The following TRIM35 variants were observed in gnomAD, a reference collection of about 807,000 sequenced individuals.
The protein encoded by TRIM35 is tripartite motif containing 35, also known as E3 ubiquitin-protein ligase TRIM35.
Under a neutral mutation model 49.1 loss-of-function variants are expected in TRIM35, and 37 were observed. The ratio of observed to expected loss-of-function variants is 0.75; its 90% CI spans 0.58 to 0.99. The LOEUF (loss-of-function observed/expected upper bound fraction) is 0.99, where lower values mean the gene tolerates loss of function less well. TRIM35 is among the 50% of genes least tolerant of loss of function. The pLI is 0.00. For missense variants in TRIM35, 648 were observed against 702.7 expected (o/e 0.92, Z 0.88); for synonymous variants, 302 against 289.3 (o/e 1.04, Z -0.45).
intron 3 of TRIM35, among the ~76,000 whole-genome samples, chr8:27,290,645 A>C (rs1333266335): frequency 1.3e-5 from 2 of 152,204 alleles, no homozygotes; most frequent in African/African-American, 2.4e-5. Context: ...TAATTTACCC[A>C]GTCTGTGATA....
At chr8:27,293,932 A>G (rs554366362) in intron 3 of TRIM35, 148 bp downstream of exon 3, 1 of 675,746 alleles carries the variant, frequency 1.5e-6, no homozygotes, top group Admixed American at 3.0e-5. Context: ...TTCATGACAC[A>G]AGCAGAGCAG....
At chr8:27,309,600 G>C (rs1238224819) in intron 1 of TRIM35, among the ~76,000 whole-genome samples, 1 of 152,186 alleles carries the variant, frequency 6.6e-6, no homozygotes, top group African/African-American at 2.4e-5. Context: ...CTTCGGGCCA[G>C]CTACCCAGTG....
chr8:27,298,726 G>A (rs1802623967), intron 1 of TRIM35, among the ~76,000 whole-genome samples, 167 bp from the exon 2 acceptor site: 1 of 152,232 alleles, frequency 6.6e-6, no homozygotes, highest in African/African-American at 2.4e-5. Flanking sequence ...CAAATGGTAA[G>A]TAAGGTCCTG....
At chr8:27,306,142 C>G (rs1227385888) in intron 1 of TRIM35, among the ~76,000 whole-genome samples, 1 of 152,034 alleles carries the variant, frequency 6.6e-6, no homozygotes, top group Non-Finnish European at 1.5e-5. Flanking sequence ...GTAACCACCT[C>G]CTCACAAGAT....
chr8:27,309,416 G>A (rs1656338040), intron 1 of TRIM35, among the ~76,000 whole-genome samples: 1 of 152,222 alleles, frequency 6.6e-6, no homozygotes, highest in South Asian at 2.1e-4. Context: ...ATTGAGACAT[G>A]CGTACTGACA....
Position 27,296,933 on chromosome 8 carries a change from T to C in TRIM35, c.531+1531A>G, listed in dbSNP as rs376962717. Among the ~76,000 whole-genome samples the C allele has an allele frequency of 9.2e-5, 14 of 152,348 alleles. No individual in the cohort carries two copies. In the East Asian group the frequency reaches 1.9e-3, roughly 21 times the overall value. The stretch of plus-strand genomic sequence containing the variant: ...TTAAGGACTTGTCTCTGTTGGGCAC[T>C]TGTATGCATTATCTTATCTAAATTT... On this transcript the variant is annotated intron_variant, in intron 2 of 5. Coordinates refer to ENST00000305364, the MANE Select transcript of TRIM35 (RefSeq NM_171982.5).
chr8:27,294,191 T>C lies in TRIM35; in HGVS notation c.651A>G (p.Gln217=), dbSNP rs1802517168. The C allele has an allele frequency of 1.9e-6, 3 of 1,614,248 alleles. No homozygotes were observed. In the Middle Eastern group the frequency reaches 4.9e-4, roughly 266 times the overall value. The change falls in exon 3 of 6, where the codon CAA becomes CAG. Residue 217 remains glutamine (Q), a synonymous_variant. Transcript: ENST00000305364. ...DAMAEETRQK[Q]LLADEKMKQL... is the part of the protein sequence containing the mutation. ...GCTTCATCTTCTCGTCGGCCAGAAGTTGCTTCTGCCTTGTCTCCTCGGCCA... is the reference window on the plus strand; with the variant it reads ...GCTTCATCTTCTCGTCGGCCAGAAGCTGCTTCTGCCTTGTCTCCTCGGCCA...
chr8:27,289,864 C>T (rs924005986), intron 4 of TRIM35, among the ~76,000 whole-genome samples: 3 of 152,198 alleles, frequency 2.0e-5, no homozygotes, highest in African/African-American at 7.2e-5. Flanking sequence ...TGACTGGCCC[C>T]GAGAAATGCA....
rs1437778180 is a variant in TRIM35 at position 27,286,234 on chromosome 8, C to T, written c.*1316G>A. On this transcript the variant is annotated 3_prime_UTR_variant, in exon 6 of 6. Coordinates refer to ENST00000305364, the MANE Select transcript of TRIM35 (RefSeq NM_171982.5). ...TCAGAGATGTGCGAGAAAAAACAAG[C>T]CCAGGGAAAAGTCTGCAGGCATGGT... 4.4e-6 allele frequency: 2 copies of T among 451,112 alleles called. No individual in the cohort carries two copies. The highest frequency in any genetic ancestry group is 8.9e-6 in the Non-Finnish European group (2 of 224,062). 27.9% of individuals were successfully genotyped at this position (451,112 alleles called of 1,614,324 possible). A position where few individuals can be genotyped will look rare whatever the true frequency, so the allele number is the denominator to read the frequency against.
intron 1 of TRIM35, among the ~76,000 whole-genome samples, chr8:27,306,195 G>A (rs142988607): frequency 7.2e-5 from 11 of 152,276 alleles, no homozygotes; most frequent in African/African-American, 2.6e-4. Flanking sequence ...GTCTGTGTCT[G>A]AGGATGTTTT....
rs1466208607 is a variant in TRIM35, at chr8:27,286,212, G to A, written c.*1338C>T. ...TGAGCTGAAGATTAAAAACTCTTCA[G>A]AGATGTGCGAGAAAAAACAAGCCCA... On this transcript the variant is annotated 3_prime_UTR_variant, in exon 6 of 6. Transcript: ENST00000305364. 8.8e-6 allele frequency: 4 copies of A among 453,670 alleles called. No individual in the cohort carries two copies. Among genetic ancestry groups the A allele is most frequent in the African/African-American group, 8.0e-5 (4 of 49,952 alleles). 28.1% of individuals were successfully genotyped at this position (453,670 alleles called of 1,614,324 possible). A position where few individuals can be genotyped will look rare whatever the true frequency, so the allele number is the denominator to read the frequency against.
intron 3 of TRIM35, among the ~76,000 whole-genome samples, chr8:27,292,187 A>T (rs1250812984): frequency 1.3e-5 from 2 of 152,236 alleles, no homozygotes; most frequent in African/African-American, 4.8e-5. Context: ...TTTTTACTGT[A>T]CTTTTTCTAT....
At chr8:27,308,411 C>T (rs945238629) in intron 1 of TRIM35, among the ~76,000 whole-genome samples, 2 of 152,190 alleles carry the variant, frequency 1.3e-5, no homozygotes, top group African/African-American at 4.8e-5. Context: ...CTCTAAAACA[C>T]ACATCCCATC....
chr8:27,308,728 C>G (rs62502387), intron 1 of TRIM35, among the ~76,000 whole-genome samples: 1,701 of 152,330 alleles, frequency 0.011, 88 homozygotes, highest in Admixed American at 0.082. Flanking sequence ...CTGACCACAC[C>G]TGGCTCTCAT....
Position 27,287,903 on chromosome 8 carries a change from G to A in TRIM35, c.1129C>T (p.Gln377Ter). The A allele has an allele frequency of 6.2e-7, 1 of 1,613,134 alleles. No homozygotes were observed. The highest frequency in any genetic ancestry group is 8.5e-7 in the Non-Finnish European group (1 of 1,179,860). ...SWRVGVVRVR[Q>*]DSGAEGHSHS... ...GAGTGGCCCTCAGCGCCCGAGTCCT[G>A]GCGCACACGTACCACGCCCACCCTC... The change falls in exon 6 of 6, where the codon CAG becomes TAG. Residue 377 changes from glutamine (Q) to a stop codon, truncating the protein, a stop_gained. Transcript: ENST00000305364. LOFTEE classifies it high-confidence loss of function. The surrounding 1 kb of genome is among the most constrained non-coding windows in gnomAD (Gnocchi z 6.0).
At position 27,287,701 on chromosome 8, in the gene TRIM35, G is replaced by A. The variant is rs1478557177; in HGVS notation, c.1331C>T (p.Ala444Val). 47 of 1,610,000 alleles carry A rather than the reference G, an allele frequency of 2.9e-5. No individual in the cohort carries two copies. Among genetic ancestry groups the A allele is most frequent in the East Asian group, 8.9e-5 (4 of 44,738 alleles). The part of the protein sequence containing the change: ...CEEGELSFYD[A>V]ERHCHLYTFH... ...GGTGTACAGGTGGCAGTGGCGCTCC[G>A]CGTCATAGAAAGACAGCTCGCCCTC... The change falls in exon 6 of 6, where the codon GCG becomes GTG. Residue 444 changes from alanine (A) to valine (V), a missense_variant. Physicochemically the swap from Ala to Val is moderately conservative, Grantham distance 64. Transcript: ENST00000305364. The surrounding 1 kb of genome is among the most constrained non-coding windows in gnomAD (Gnocchi z 6.0).
rs1278773656 is a variant in TRIM35 at position 27,310,943 on chromosome 8, G to C, written c.293C>G (p.Ser98Trp). ...TCCGCGGTGCAGGCGGCAGACACGC[G>C]AGAAGCGGTAGCTGGTCCAGCGCGC... ...EGARWTSYRF[S>W]RVCRLHRGQL... Residue 98 changes from serine to tryptophan, a missense_variant, in exon 1 of 6, where the codon TCG becomes TGG. Transcript: ENST00000305364. 1.9e-6 allele frequency: 3 copies of C among 1,612,518 alleles called. No individual in the cohort carries two copies. The highest frequency in any genetic ancestry group is 2.2e-5 in the East Asian group (1 of 44,870).
At chr8:27,308,035 T>C (rs1295753858) in intron 1 of TRIM35, among the ~76,000 whole-genome samples, 1 of 151,988 alleles carries the variant, frequency 6.6e-6, no homozygotes, top group Non-Finnish European at 1.5e-5. Context: ...GAAGTCAAAG[T>C]GACAACAGAT....
chr8:27,294,280 G>A lies in TRIM35; in HGVS notation c.562C>T (p.Arg188Trp), dbSNP rs780142942. ...VEAAWLEGRI[R>W]QEFDKLREFL... is the part of the protein sequence containing the mutation. Reference sequence around the variant, plus strand: ...TCGCGAAGCTTATCAAACTCCTGCCGGATCCGGCCTTCCAGCCATGCAGCC... The same window carrying A: ...TCGCGAAGCTTATCAAACTCCTGCCAGATCCGGCCTTCCAGCCATGCAGCC... The change falls in exon 3 of 6, where the codon CGG becomes TGG. Residue 188 changes from arginine (R) to tryptophan (W), a missense_variant. Coordinates refer to ENST00000305364, the MANE Select transcript of TRIM35 (RefSeq NM_171982.5). 14 of 1,613,972 alleles carry A rather than the reference G, an allele frequency of 8.7e-6. No individual in the cohort carries two copies. Among genetic ancestry groups the A allele is most frequent in the East Asian group, 4.5e-5 (2 of 44,880 alleles).
Sources: allele counts gnomAD v4.1 joint callset (sites outside exome capture counted in the v4.1 genomes callset), GRCh38; gene constraint gnomAD v4.1.1; non-coding constraint Gnocchi (gnomAD v3.1); transcripts MANE v1.5; gene names NCBI Gene and HGNC (gene_info 2026-07-23, HGNC 2026-07-21).